Variants in PIAS1 observed in about 807,000 individuals in gnomAD.
PIAS1 encodes E3 SUMO-protein ligase PIAS1.
In PIAS1, 6 loss-of-function variants were observed where a neutral mutation model predicts 71.3. That is an observed-to-expected ratio of 0.08 (90% CI 0.05 to 0.17). PIAS1 has a LOEUF of 0.17. Among genes scored for constraint, PIAS1 ranks in the 10% least tolerant of loss-of-function variants. The pLI is 1.00. For missense variants in PIAS1, 555 were observed against 793.6 expected, an observed-to-expected ratio of 0.70 and a Z score of 3.61; for synonymous variants, 303 against 292.9, an observed-to-expected ratio of 1.03 and a Z score of -0.35.
At chr15:68,180,669 G>A (rs1396640517) in intron 11 of PIAS1, among the ~76,000 whole-genome samples, 1 of 152,106 alleles carries the variant, frequency 6.6e-6, no homozygotes, top group East Asian at 1.9e-4. Flanking sequence ...ACTGTACTGG[G>A]CATTGGGTAT....
At chr15:68,104,026 C>T (rs2092449798) in intron 2 of PIAS1, among the ~76,000 whole-genome samples, 1 of 152,158 alleles carries the variant, frequency 6.6e-6, no homozygotes, top group African/African-American at 2.4e-5. Context: ...TTTTCTAAAG[C>T]AGCTGTACCA....
intron 7 of PIAS1, among the ~76,000 whole-genome samples, chr15:68,156,730 AG>A (rs1567068202): frequency 9.6e-5 from 13 of 135,652 alleles, no homozygotes; most frequent in Non-Finnish European, 1.8e-4. Context: ...AAAAAAAAAG[AG>A]AGAGAGAGAG....
chr15:68,151,646 C>A (rs1167874958), intron 6 of PIAS1, among the ~76,000 whole-genome samples: 2 of 147,416 alleles, frequency 1.4e-5, no homozygotes, highest in African/African-American at 5.2e-5. Flanking sequence ...ATGGTGAAAC[C>A]CCATCTCTAC....
chr15:68,187,647 C>A lies in PIAS1; in HGVS notation c.1768C>A (p.Leu590Ile). ...CCCGTATACCTCCTCACAGATGTTTCTTGATCAGTTAAGTGCAGGAGGCAG... is the reference window on the plus strand; with the variant it reads ...CCCGTATACCTCCTCACAGATGTTTATTGATCAGTTAAGTGCAGGAGGCAG... ...FFPYTSSQMF[L>I]DQLSAGGSTS... is the part of the protein sequence containing the mutation. The change falls in exon 14 of 14, where the codon CTT becomes ATT. Residue 590 changes from leucine (L) to isoleucine (I), a missense_variant. Transcript: ENST00000249636. The surrounding 1 kb of genome is among the most constrained non-coding windows in gnomAD (Gnocchi z 5.3). 2 of 1,614,012 alleles carry A rather than the reference C, an allele frequency of 1.2e-6. No individual in the cohort carries two copies. The highest frequency in any genetic ancestry group is 1.1e-5 in the South Asian group (1 of 91,082).
chr15:68,162,375 C>G (rs1183267806), intron 7 of PIAS1, among the ~76,000 whole-genome samples: 1 of 152,022 alleles, frequency 6.6e-6, no homozygotes, highest in Non-Finnish European at 1.5e-5. Context: ...CTTGCTATGT[C>G]TATAAAGGGT....
At chr15:68,096,902 A>AT (rs2092380681) in intron 2 of PIAS1, among the ~76,000 whole-genome samples, 2 of 152,054 alleles carry the variant, frequency 1.3e-5, no homozygotes, top group Admixed American at 6.5e-5. Context: ...AATGCCTTTC[A>AT]TTTTTTTGTG....
intron 2 of PIAS1, among the ~76,000 whole-genome samples, chr15:68,135,048 C>A (rs1303328556): frequency 2.3e-5 from 1 of 43,884 alleles, no homozygotes. Flanking sequence ...GGCGGCCGGG[C>A]AGAGGCGCCC....
chr15:68,159,123 A>G (rs1174080132), intron 7 of PIAS1, among the ~76,000 whole-genome samples: 1 of 152,196 alleles, frequency 6.6e-6, no homozygotes, highest in Non-Finnish European at 1.5e-5. Context: ...ATAATAAAAT[A>G]CTGTTAGCAC....
At chr15:68,097,061 T>G (rs984037952) in intron 2 of PIAS1, among the ~76,000 whole-genome samples, 1 of 152,200 alleles carries the variant, frequency 6.6e-6, no homozygotes, top group African/African-American at 2.4e-5. Context: ...TGGTCTTCAT[T>G]ATGTTGAGAT....
intron 2 of PIAS1, among the ~76,000 whole-genome samples, chr15:68,137,974 T>G (rs567701891): frequency 1.3e-5 from 2 of 152,130 alleles, no homozygotes; most frequent in South Asian, 4.2e-4. Flanking sequence ...ATACCTCATC[T>G]CTACAAAATA....
Position 68,175,691 on chromosome 15 carries a change from G to A in PIAS1, c.1224G>A (p.Lys408=). The stretch of plus-strand genomic sequence containing the variant: ...CAGACTGTGATGAAATACAATTTAA[G>A]GAGGATGGCACTTGGGCACCGATGA... The part of the protein sequence containing the change: ...YCTDCDEIQF[K]EDGTWAPMRS... The change falls in exon 10 of 14, where the codon AAG becomes AAA. Residue 408 remains lysine (K), a synonymous_variant. Coordinates refer to ENST00000249636, the MANE Select transcript of PIAS1 (RefSeq NM_016166.3). The A allele has an allele frequency of 6.2e-7, 1 of 1,601,116 alleles. No individual in the cohort carries two copies. The highest frequency in any genetic ancestry group is 1.3e-5 in the African/African-American group (1 of 74,760).
intron 12 of PIAS1, 113 bp downstream of exon 12, chr15:68,181,467 T>C: frequency 1.0e-6 from 1 of 999,778 alleles, no homozygotes; most frequent in Non-Finnish European, 1.5e-6. Flanking sequence ...CAACAGGGCC[T>C]TGGACCCAGG....
At chr15:68,141,207 G>A (rs1462379193) in intron 2 of PIAS1, among the ~76,000 whole-genome samples, 1 of 151,870 alleles carries the variant, frequency 6.6e-6, no homozygotes, top group Admixed American at 6.6e-5. Context: ...TCTTAAAAAA[G>A]CAAACAAAAA....
At chr15:68,131,467 A>G (rs117012359) in intron 2 of PIAS1, among the ~76,000 whole-genome samples, 932 of 92,048 alleles carry the variant, frequency 0.01, 4 homozygotes, top group East Asian at 0.049. Flanking sequence ...TGTGTTGTGC[A>G]ATAAGATCTT....
chr15:68,095,635 A>G (rs571644212), intron 2 of PIAS1, among the ~76,000 whole-genome samples: 116 of 151,234 alleles, frequency 7.7e-4, no homozygotes, highest in African/African-American at 2.7e-3. Flanking sequence ...GGTTCAAGCA[A>G]TTCTCCTGCC....
chr15:68,157,918 C>CA (rs759519393), intron 7 of PIAS1, among the ~76,000 whole-genome samples: 2 of 152,196 alleles, frequency 1.3e-5, no homozygotes, highest in Non-Finnish European at 2.9e-5. Flanking sequence ...AAATATTTCT[C>CA]AAATGTGCCT....
intron 1 of PIAS1, among the ~76,000 whole-genome samples, chr15:68,064,946 T>C (rs2092000799): frequency 6.6e-6 from 1 of 152,200 alleles, no homozygotes; most frequent in Admixed American, 6.5e-5. Context: ...GGCTTTGCCA[T>C]GTCGCCCAGG....
chr15:68,114,029 T>TAC lies in PIAS1; in HGVS notation c.469+27310_469+27311dup, dbSNP rs58536041. On this transcript the variant is annotated intron_variant, in intron 2 of 13. Transcript: ENST00000249636. ...CTAGCAAACGACTGCATATATTTCATACACACACACACACACACACACACA... is the reference window on the plus strand; with the variant it reads ...CTAGCAAACGACTGCATATATTTCATACACACACACACACACACACACACACA... Among the ~76,000 whole-genome samples the TAC allele has an allele frequency of 5.0e-3, 624 of 125,306 alleles. 8 individuals carry two copies. Among genetic ancestry groups the TAC allele is most frequent in the South Asian group, 0.035 (150 of 4,280 alleles). The allele number at this position is 125,306 out of a possible 152,430, so 82.2% of individuals were successfully genotyped here. A position where few individuals can be genotyped will look rare whatever the true frequency, so the allele number is the denominator to read the frequency against.
chr15:68,191,004 T>C lies in PIAS1; in HGVS notation c.*3169T>C, dbSNP rs2093117013. On this transcript the variant is annotated 3_prime_UTR_variant, in exon 14 of 14. Transcript: ENST00000249636. ...GCATTTTTTTAGACAATTTCAATTT[T>C]AAACACATAAAACTTTCAAGATCTT... 6.6e-6 allele frequency: 1 copy of C among 152,378 alleles called. No individual in the cohort carries two copies. The highest frequency in any genetic ancestry group is 6.5e-5 in the Admixed American group (1 of 15,274). 9.4% of individuals were successfully genotyped at this position (152,378 alleles called of 1,614,324 possible). A position where few individuals can be genotyped will look rare whatever the true frequency, so the allele number is the denominator to read the frequency against.
Sources: allele counts gnomAD v4.1 joint callset (sites outside exome capture counted in the v4.1 genomes callset), GRCh38; gene constraint gnomAD v4.1.1; non-coding constraint Gnocchi (gnomAD v3.1); transcripts MANE v1.5; gene names NCBI Gene and HGNC (gene_info 2026-07-23, HGNC 2026-07-21).